Variants in ZNF185 observed in about 807,000 individuals in gnomAD.
ZNF185 encodes zinc finger protein 185.
A neutral mutation model predicts 58.6 loss-of-function variants in ZNF185; 56 were observed. The observed-to-expected ratio is 0.95, with a 90% CI of 0.77 to 1.19. ZNF185 has a LOEUF of 1.19. ZNF185 is among the 50% of genes most tolerant of loss of function. The pLI is 0.00. For synonymous variants in ZNF185, 230 were observed against 215.9 expected, an observed-to-expected ratio of 1.07 and a Z score of -0.57; for missense variants, 627 against 573.5, an observed-to-expected ratio of 1.09 and a Z score of -0.95.
intron 16 of ZNF185, among the ~76,000 whole-genome samples, chrX:152,949,123 T>G (rs1413556407): frequency 1.8e-5 from 2 of 111,265 alleles, no homozygotes; most frequent in Non-Finnish European, 3.8e-5. Context: ...TCTGGTCGAG[T>G]GAGTGGAGTA....
At chrX:152,959,017 G>A (rs781917724) in intron 16 of ZNF185, among the ~76,000 whole-genome samples, 153 of 112,729 alleles carry the variant, frequency 1.4e-3, no homozygotes, top group African/African-American at 4.8e-3. Context: ...TGTTTTGGGC[G>A]AGATCGACCG....
chrX:152,939,032 C>T (rs1488518778), intron 15 of ZNF185, among the ~76,000 whole-genome samples: 1 of 111,406 alleles, frequency 9.0e-6, no homozygotes, highest in Non-Finnish European at 1.9e-5. Context: ...GTGGCTGGAG[C>T]TTGGCCAGTG....
intron 15 of ZNF185, among the ~76,000 whole-genome samples, chrX:152,938,897 G>A (rs963175131): frequency 3.6e-5 from 3 of 84,294 alleles, no homozygotes; most frequent in Admixed American, 1.1e-4. Context: ...CAACTCAGGC[G>A]ATCTCCTCTA....
chrX:152,929,538 G>C (rs1180041758), intron 12 of ZNF185, among the ~76,000 whole-genome samples: 1 of 111,407 alleles, frequency 9.0e-6, no homozygotes, highest in East Asian at 2.8e-4. Flanking sequence ...GATGAGTCCT[G>C]AGCGATCTCT....
chrX:152,928,971 G>A (rs1941414289), intron 12 of ZNF185, among the ~76,000 whole-genome samples: 1 of 112,657 alleles, frequency 8.9e-6, no homozygotes, highest in African/African-American at 3.2e-5. Flanking sequence ...GAGCATGAAT[G>A]AGGTCAGCCA....
chrX:152,959,139 C>T (rs1332914706), intron 16 of ZNF185, among the ~76,000 whole-genome samples: 1 of 112,627 alleles, frequency 8.9e-6, no homozygotes, highest in Non-Finnish European at 1.9e-5. Flanking sequence ...TTTGGATTCT[C>T]CTGGCCCTTC....
intron 9 of ZNF185, 24 bp from the exon 11 acceptor site, chrX:152,922,149 C>CTT (rs1939858233): frequency 1.7e-6 from 2 of 1,179,692 alleles, no homozygotes; most frequent in East Asian, 6.2e-5. Context: ...AGACCACGAG[C>CTT]GCTGTTTCTC....
intron 16 of ZNF185, 98 bp from the exon 19 acceptor site, chrX:152,959,601 C>T (rs2049259653): frequency 1.9e-5 from 19 of 975,081 alleles, no homozygotes; most frequent in African/African-American, 9.8e-5. Context: ...AGATGAGTCC[C>T]TCCAAGTCCA....
chrX:152,922,659 G>C, intron 10 of ZNF185, 61 bp from the exon 12 acceptor site: 1 of 1,049,570 alleles, frequency 9.5e-7, no homozygotes, highest in South Asian at 2.1e-5. Flanking sequence ...GCCACATTCA[G>C]CATGCCCAGG....
At chrX:152,932,365 C>T (rs1476054730) in intron 13 of ZNF185, among the ~76,000 whole-genome samples, 2 of 112,483 alleles carry the variant, frequency 1.8e-5, no homozygotes, top group African/African-American at 3.2e-5. Flanking sequence ...CCAGTCGCTG[C>T]ACAGCCAGCC....
At chrX:152,959,786 A>G (rs373021042) in exon 17 of ZNF185, 170 of 1,210,471 alleles carry the variant, frequency 1.4e-4, no homozygotes, top group Non-Finnish European at 1.8e-4. Flanking sequence ...GAGGTGGCCA[A>G]GGAGACCCAG....
At chrX:152,909,000 C>T in the ZNF185 span, among the ~76,000 whole-genome samples, 218 of 113,234 alleles carry the variant, frequency 1.9e-3, 1 homozygote, top group Non-Finnish European at 3.2e-3. Flanking sequence ...TGGTTCTCAT[C>T]GCAGAGCGGA....
chrX:152,939,619 G>C (rs983059821), intron 15 of ZNF185, among the ~76,000 whole-genome samples: 3 of 111,243 alleles, frequency 2.7e-5, no homozygotes, highest in Admixed American at 1.9e-4. Flanking sequence ...ACGTGGAAAA[G>C]GATAAGGCTT....
chrX:152,933,383 C>T (rs1298701415), intron 14 of ZNF185, among the ~76,000 whole-genome samples: 3 of 112,266 alleles, frequency 2.7e-5, no homozygotes, highest in African/African-American at 6.5e-5. Context: ...GCTAGGAGGC[C>T]CTTTGCTCCT....
chrX:152,945,349 G>A (rs1646690016), exon 16 of ZNF185: 1 of 1,207,384 alleles, frequency 8.3e-7, no homozygotes, highest in Non-Finnish European at 1.1e-6. Context: ...TCCAAGAGGT[G>A]GCCAAGGAGA....
At chrX:152,898,381 C>T in the ZNF185 span, among the ~76,000 whole-genome samples, 20 of 112,611 alleles carry the variant, frequency 1.8e-4, no homozygotes, top group South Asian at 1.5e-3. Context: ...TCTTCGGGTT[C>T]CCCCCGGGAG....
intron 16 of ZNF185, among the ~76,000 whole-genome samples, chrX:152,950,504 A>G (rs1335678530): frequency 2.7e-5 from 3 of 112,031 alleles, no homozygotes; most frequent in Non-Finnish European, 5.6e-5. Context: ...TAGGAATTCT[A>G]TGGAATTTCT....
intron 15 of ZNF185, among the ~76,000 whole-genome samples, chrX:152,943,788 G>A (rs2047503811): frequency 8.9e-6 from 1 of 112,960 alleles, no homozygotes; most frequent in South Asian, 3.6e-4. Context: ...TACAGAGGAC[G>A]TGGGACAGGA....
intron 3 of ZNF185, among the ~76,000 whole-genome samples, chrX:152,916,253 G>A (rs1428296329): frequency 9.0e-6 from 1 of 111,182 alleles, no homozygotes; most frequent in Non-Finnish European, 1.9e-5. Flanking sequence ...CCCAAACCCC[G>A]ATGCTCCAGC....
Sources: allele counts gnomAD v4.1 joint callset (sites outside exome capture counted in the v4.1 genomes callset), GRCh38; gene constraint gnomAD v4.1.1; transcripts MANE v1.5; gene names NCBI Gene and HGNC (gene_info 2026-07-23, HGNC 2026-07-21).